The following CCDC171 variants were observed in gnomAD, a reference collection of about 807,000 sequenced individuals.
The protein encoded by CCDC171 is coiled-coil domain-containing protein 171.
Under a neutral mutation model 168.2 loss-of-function variants are expected in CCDC171, and 177 were observed. That is an observed-to-expected ratio of 1.05 (90% CI 0.93 to 1.19). The LOEUF (loss-of-function observed/expected upper bound fraction) is 1.19. Among genes scored for constraint, CCDC171 ranks in the 50% most tolerant of loss-of-function variants. The pLI is 0.00. For missense variants in CCDC171, 1,991 were observed against 1,539.0 expected (o/e 1.29, Z -4.91); for synonymous variants, 687 against 540.8 (o/e 1.27, Z -3.75).
the CCDC171 span, among the ~76,000 whole-genome samples, chr9:16,108,196 G>A: frequency 6.6e-6 from 1 of 152,186 alleles, no homozygotes; most frequent in Non-Finnish European, 1.5e-5. Flanking sequence ...GTCATAGGCC[G>A]AGAATGATAC....
chr9:15,930,093 A>C (rs1248871395), intron 25 of CCDC171, among the ~76,000 whole-genome samples: 1 of 151,736 alleles, frequency 6.6e-6, no homozygotes, highest in Non-Finnish European at 1.5e-5. Flanking sequence ...TCATATTTAT[A>C]ATCCATTATA....
intron 6 of CCDC171, among the ~76,000 whole-genome samples, chr9:15,614,517 G>C (rs1197750005): frequency 6.6e-6 from 1 of 152,204 alleles, no homozygotes; most frequent in Non-Finnish European, 1.5e-5. Flanking sequence ...GAGTTAACGA[G>C]AAATTAGATT....
At chr9:15,757,597 A>G (rs1039529732) in intron 18 of CCDC171, among the ~76,000 whole-genome samples, 1 of 152,232 alleles carries the variant, frequency 6.6e-6, no homozygotes, top group African/African-American at 2.4e-5. Flanking sequence ...AAATTTGCTT[A>G]AGTAACAATT....
At chr9:15,965,837 G>A (rs1229714894) in intron 25 of CCDC171, among the ~76,000 whole-genome samples, 1 of 152,152 alleles carries the variant, frequency 6.6e-6, no homozygotes, top group Middle Eastern at 3.2e-3. Flanking sequence ...ATTAGTAAAT[G>A]GCAGAATGAA....
At chr9:15,911,673 G>A (rs1163954548) in intron 24 of CCDC171, among the ~76,000 whole-genome samples, 1 of 152,158 alleles carries the variant, frequency 6.6e-6, no homozygotes, top group African/African-American at 2.4e-5. Context: ...GATTTTTATG[G>A]TTTTAGGTCT....
chr9:15,859,358 G>A (rs1177099300), intron 23 of CCDC171, among the ~76,000 whole-genome samples: 2 of 151,392 alleles, frequency 1.3e-5, no homozygotes, highest in African/African-American at 4.9e-5. Context: ...TTTTTCTTGT[G>A]ATGTCCTTGT....
In CCDC171 at chr9:15,874,619, G is replaced by T; in HGVS notation, c.3556G>T (p.Ala1186Ser). ...QLPKLHLETF[A>S]MEGLKGGPEV... ...ACCCAAACTGCACCTGGAGACCTTT[G>T]CAATGGAGGGGCTCAAGGGCGGGCC... The change falls in exon 24 of 26, where the codon GCA becomes TCA. Residue 1186 changes from alanine to serine, a missense_variant. By Grantham distance (99) the Ala-to-Ser change is moderately conservative. Coordinates refer to ENST00000380701, the MANE Select transcript of CCDC171 (RefSeq NM_173550.4). 6.2e-7 allele frequency: 1 copy of T among 1,605,706 alleles called. No individual in the cohort carries two copies. The highest frequency in any genetic ancestry group is 8.5e-7 in the Non-Finnish European group (1 of 1,176,118).
At chr9:15,725,041 G>C in intron 14 of CCDC171, 65 bp downstream of exon 14, 1 of 1,179,424 alleles carries the variant, frequency 8.5e-7, no homozygotes. Flanking sequence ...TATACATCAA[G>C]TGACTATTTT....
intron 21 of CCDC171, among the ~76,000 whole-genome samples, chr9:15,828,783 T>G (rs1294655458): frequency 6.6e-6 from 1 of 152,224 alleles, no homozygotes; most frequent in Non-Finnish European, 1.5e-5. Context: ...AACTGTTTTT[T>G]CAAACTGGAA....
At chr9:15,950,969 C>G (rs531467028) in intron 25 of CCDC171, among the ~76,000 whole-genome samples, 30 of 151,346 alleles carry the variant, frequency 2.0e-4, no homozygotes, top group African/African-American at 6.3e-4. Context: ...GCAGGGGTTG[C>G]AATTCTAGTC....
intron 23 of CCDC171, among the ~76,000 whole-genome samples, chr9:15,870,328 G>T (rs915111659): frequency 1.3e-5 from 2 of 151,760 alleles, no homozygotes; most frequent in Admixed American, 1.3e-4. Flanking sequence ...AGAAAATGGA[G>T]GCAAAGTACA....
At chr9:15,593,041 G>A (rs2042104432) in intron 5 of CCDC171, among the ~76,000 whole-genome samples, 1 of 151,376 alleles carries the variant, frequency 6.6e-6, no homozygotes, top group South Asian at 2.1e-4. Context: ...CCCCACAACA[G>A]TCCCCAGAGT....
chr9:15,557,329 G>T (rs2038893041), intron 1 of CCDC171, among the ~76,000 whole-genome samples: 1 of 152,084 alleles, frequency 6.6e-6, no homozygotes, highest in Non-Finnish European at 1.5e-5. Flanking sequence ...AATTACCTTG[G>T]GGAGTATGGC....
intron 6 of CCDC171, among the ~76,000 whole-genome samples, chr9:15,613,546 T>C (rs2043860153): frequency 6.6e-6 from 1 of 150,784 alleles, no homozygotes; most frequent in Admixed American, 6.6e-5. Flanking sequence ...TTTTTTCAGA[T>C]GGAGTCTCGC....
At chr9:15,947,381 C>A (rs954549396) in intron 25 of CCDC171, among the ~76,000 whole-genome samples, 1 of 151,922 alleles carries the variant, frequency 6.6e-6, no homozygotes, top group Non-Finnish European at 1.5e-5. Flanking sequence ...TAGATCCTGG[C>A]AATCACCATT....
At chr9:15,838,014 C>T (rs1362074259) in intron 21 of CCDC171, among the ~76,000 whole-genome samples, 1 of 152,132 alleles carries the variant, frequency 6.6e-6, no homozygotes, top group African/African-American at 2.4e-5. Flanking sequence ...TGTTAATCCT[C>T]TTTTTGGTGT....
intron 11 of CCDC171, among the ~76,000 whole-genome samples, chr9:15,695,877 T>C (rs2051175169): frequency 6.6e-6 from 1 of 152,198 alleles, no homozygotes; most frequent in African/African-American, 2.4e-5. Flanking sequence ...GCCCACTTCA[T>C]ATGATAAAGA....
At chr9:15,897,989 T>C (rs935094206) in intron 24 of CCDC171, among the ~76,000 whole-genome samples, 2 of 152,190 alleles carry the variant, frequency 1.3e-5, no homozygotes, top group African/African-American at 4.8e-5. Flanking sequence ...TTTCTTAGTC[T>C]ATAAAGATAA....
chr9:15,761,921 A>G lies in CCDC171; in HGVS notation c.2672-15679A>G, dbSNP rs184655241. On this transcript the variant is annotated intron_variant, in intron 18 of 25. Transcript: ENST00000380701. ...AGTGAACAGATATTTTGTATTTTAA[A>G]TTGAAATTTTATTTGCCTATCAATT... Among the ~76,000 whole-genome samples, 180 of 152,322 alleles carry G rather than the reference A, an allele frequency of 1.2e-3. 1 individual carries two copies. The highest frequency in any genetic ancestry group is 3.1e-4 in the Non-Finnish European group (21 of 68,022).
Sources: gnomAD v4.1 joint callset for allele counts (sites outside exome capture counted in the v4.1 genomes callset) on GRCh38, gnomAD v4.1.1 for gene constraint, MANE v1.5 for transcripts, NCBI Gene and HGNC (gene_info 2026-07-23, HGNC 2026-07-21) for gene names.